Variants in PRKG2 observed in about 807,000 individuals in gnomAD.
PRKG2 encodes the protein cGMP-dependent protein kinase 2.
PRKG2 carries 33 observed loss-of-function variants against 97.2 expected under a neutral mutation model. The observed-to-expected ratio is 0.34, with a 90% CI of 0.26 to 0.45. The LOEUF (loss-of-function observed/expected upper bound fraction) is 0.45. PRKG2 is among the 20% of genes least tolerant of loss of function. PRKG2 has a pLI of 1.00. For synonymous variants in PRKG2, 330 were observed against 321.8 expected, an observed-to-expected ratio of 1.03 and a Z score of -0.27; for missense variants, 638 against 900.0, an observed-to-expected ratio of 0.71 and a Z score of 3.73.
intron 15 of PRKG2, among the ~76,000 whole-genome samples, chr4:81,107,658 GCACGCCACCATGC>G (rs1268565449): frequency 6.6e-6 from 1 of 151,884 alleles, no homozygotes; most frequent in East Asian, 2.0e-4. Flanking sequence ...GACTACAGGT[GCACGCCACCATGC>G]CCAGCTAATT....
At chr4:81,101,812 G>C (rs1742825750) in intron 17 of PRKG2, among the ~76,000 whole-genome samples, 1 of 151,744 alleles carries the variant, frequency 6.6e-6, no homozygotes, top group Admixed American at 6.6e-5. Flanking sequence ...CTTTAGAAGA[G>C]ACTGAGAAAA....
chr4:81,156,148 A>G (rs1387742653), intron 6 of PRKG2, among the ~76,000 whole-genome samples: 1 of 152,230 alleles, frequency 6.6e-6, no homozygotes, highest in Non-Finnish European at 1.5e-5. Context: ...TTGGATAAAG[A>G]GTCAAGACCC....
rs145643827 is a variant in PRKG2 at position 81,147,886 on chromosome 4, A to C, written c.1154+998T>G. 7.2e-5 allele frequency among the ~76,000 whole-genome samples: 11 copies of C among 152,296 alleles called. No individual in the cohort carries two copies. The East Asian group carries it at 2.1e-3, about 29-fold the overall frequency. ...AGAAATGCAACTAAAATGTATAGATAAAATAATTTTATGTTGGGAATTTGC... is the reference window on the plus strand; with the variant it reads ...AGAAATGCAACTAAAATGTATAGATCAAATAATTTTATGTTGGGAATTTGC... On this transcript the variant is annotated intron_variant, in intron 9 of 18. Coordinates refer to ENST00000264399, the MANE Select transcript of PRKG2 (RefSeq NM_006259.3).
intron 2 of PRKG2, among the ~76,000 whole-genome samples, chr4:81,183,706 C>A (rs1296264972): frequency 6.6e-6 from 1 of 152,020 alleles, no homozygotes; most frequent in Non-Finnish European, 1.5e-5. Flanking sequence ...CTCAGCGGAT[C>A]CCACCCCCAC....
rs1264735920 is a variant in PRKG2, at chr4:81,144,213, A to G, written c.1253+19T>C. ...TGCCAGAAGTCAGCTCCGGCTCAGG[A>G]AAACATTCCTCCACTTACTTCGCAT... On this transcript the variant is annotated intron_variant, in intron 10 of 18. Coordinates refer to ENST00000264399, the MANE Select transcript of PRKG2 (RefSeq NM_006259.3). The G allele has an allele frequency of 6.3e-7, 1 of 1,581,316 alleles. No individual in the cohort carries two copies. The highest frequency in any genetic ancestry group is 1.7e-4 in the Middle Eastern group (1 of 6,008).
At chr4:81,194,029 A>C (rs1752778394) in intron 2 of PRKG2, among the ~76,000 whole-genome samples, 1 of 151,800 alleles carries the variant, frequency 6.6e-6, no homozygotes, top group Non-Finnish European at 1.5e-5. Flanking sequence ...CTCCTTAAAA[A>C]CCCAGCTAGA....
intron 14 of PRKG2, among the ~76,000 whole-genome samples, chr4:81,116,699 T>C (rs113749510): frequency 0.016 from 2,443 of 152,216 alleles, 73 homozygotes; most frequent in African/African-American, 0.056. Flanking sequence ...GATTTTGTAA[T>C]GTTAGCCATT....
At chr4:81,131,340 C>G (rs1402168921) in intron 14 of PRKG2, among the ~76,000 whole-genome samples, 4 of 152,168 alleles carry the variant, frequency 2.6e-5, no homozygotes, top group African/African-American at 9.7e-5. Context: ...CTGGGTATCT[C>G]AGTTAGAAAT....
chr4:81,119,236 T>G (rs780650037), intron 14 of PRKG2, among the ~76,000 whole-genome samples: 8 of 152,242 alleles, frequency 5.3e-5, no homozygotes, highest in Non-Finnish European at 1.2e-4. Flanking sequence ...AGGAGTTTTA[T>G]TGTTTTGCAT....
intron 18 of PRKG2, among the ~76,000 whole-genome samples, chr4:81,090,344 T>G (rs1741416480): frequency 6.6e-6 from 1 of 151,760 alleles, no homozygotes; most frequent in South Asian, 2.1e-4. Flanking sequence ...GGTAACAGAG[T>G]GAGACTTTCT....
In PRKG2 at chr4:81,107,285, G is replaced by A. The variant is rs1055344124; in HGVS notation, c.1941-1350C>T. ...TAGGAAAGGGGTTAAGGCTCAAAGTGTGACTTGCGGAGTCATCAGACAGTA... is the reference window on the plus strand; with the variant it reads ...TAGGAAAGGGGTTAAGGCTCAAAGTATGACTTGCGGAGTCATCAGACAGTA... On this transcript the variant is annotated intron_variant, in intron 15 of 18. Coordinates refer to ENST00000264399, the MANE Select transcript of PRKG2 (RefSeq NM_006259.3). Among the ~76,000 whole-genome samples, 6 of 152,142 alleles carry A rather than the reference G, an allele frequency of 3.9e-5. No individual in the cohort carries two copies. The East Asian group carries it at 1.2e-3, about 29-fold the overall frequency.
intron 3 of PRKG2, among the ~76,000 whole-genome samples, chr4:81,173,534 G>C (rs183649131): frequency 6.6e-6 from 1 of 152,066 alleles, no homozygotes; most frequent in African/African-American, 2.4e-5. Context: ...AGTTGCAAGA[G>C]GGAAAAGTTG....
At chr4:81,214,545 G>C (rs1162930264) in intron 1 of PRKG2, among the ~76,000 whole-genome samples, 1 of 152,020 alleles carries the variant, frequency 6.6e-6, no homozygotes, top group South Asian at 2.1e-4. Flanking sequence ...ACTACCCAGA[G>C]CTCGACGAAG....
chr4:81,178,200 C>G (rs936271982), intron 2 of PRKG2, among the ~76,000 whole-genome samples: 1 of 151,576 alleles, frequency 6.6e-6, no homozygotes, highest in Admixed American at 6.6e-5. Context: ...ACCAAACCAA[C>G]AAAACCCTAT....
chr4:81,129,938 A>T (rs947043476), intron 14 of PRKG2, among the ~76,000 whole-genome samples: 1 of 152,186 alleles, frequency 6.6e-6, no homozygotes, highest in Non-Finnish European at 1.5e-5. Flanking sequence ...GATGTTCTTT[A>T]CAATTTGCAA....
intron 17 of PRKG2, among the ~76,000 whole-genome samples, chr4:81,093,396 C>CAA (rs1266711248): frequency 6.7e-6 from 1 of 148,892 alleles, no homozygotes; most frequent in East Asian, 1.9e-4. Context: ...CACACACACA[C>CAA]ACACACACAA....
At chr4:81,151,379 C>T (rs1012026939) in intron 8 of PRKG2, among the ~76,000 whole-genome samples, 6 of 151,862 alleles carry the variant, frequency 4.0e-5, no homozygotes, top group Non-Finnish European at 8.8e-5. Flanking sequence ...GCAAAGTGTC[C>T]CTCGAGCCAT....
At chr4:81,105,993 G>T in intron 15 of PRKG2, 58 bp from the exon 16 acceptor site, 3 of 1,522,892 alleles carry the variant, frequency 2.0e-6, no homozygotes, top group Non-Finnish European at 1.8e-6. Context: ...GATCACATTT[G>T]GAATGAATTT....
At chr4:81,141,306 C>T (rs886445741) in intron 11 of PRKG2, among the ~76,000 whole-genome samples, 12 of 152,178 alleles carry the variant, frequency 7.9e-5, no homozygotes, top group African/African-American at 2.9e-4. Flanking sequence ...CCACCGCACC[C>T]AGCCTAAGCT....
Sources: allele counts gnomAD v4.1 joint callset (sites outside exome capture counted in the v4.1 genomes callset), GRCh38; gene constraint gnomAD v4.1.1; transcripts MANE v1.5; gene names NCBI Gene and HGNC (gene_info 2026-07-23, HGNC 2026-07-21).